Variants in MAPRE3 observed in about 807,000 individuals in gnomAD.
The protein encoded by MAPRE3 is microtubule-associated protein RP/EB family member 3.
A neutral mutation model predicts 30.5 loss-of-function variants in MAPRE3; 2 were observed. The ratio of observed to expected loss-of-function variants is 0.07; its 90% CI spans 0.03 to 0.21. The LOEUF is 0.21. MAPRE3 is among the 10% of genes least tolerant of loss of function. MAPRE3 has a pLI of 1.00. For synonymous variants in MAPRE3, 110 were observed against 127.7 expected (o/e 0.86, Z 0.93); for missense variants, 204 against 351.8 (o/e 0.58, Z 3.36).
Position 27,025,695 on chromosome 2 carries a change from C to T in MAPRE3, c.582C>T (p.Gly194=), listed in dbSNP as rs113977877. The part of the protein sequence containing the change: ...LRKNPPSARN[G]GHETDAQILE... ...AGAATCCTCCATCAGCCCGAAATGG[C>T]GGCCATGAGACTGATGCCCAAATTC... The change falls in exon 5 of 7, where the codon GGC becomes GGT. Residue 194 remains glycine (G), a synonymous_variant. Transcript: ENST00000233121. 20 of 1,614,150 alleles carry T rather than the reference C, an allele frequency of 1.2e-5. No homozygotes were observed. The African/African-American group carries it at 1.9e-4, about 15-fold the overall frequency.
chr2:26,991,899 G>T (rs972252465), intron 1 of MAPRE3, among the ~76,000 whole-genome samples: 7 of 152,100 alleles, frequency 4.6e-5, no homozygotes, highest in African/African-American at 1.7e-4. Context: ...AATAACTTGC[G>T]TAAATCATGC....
At chr2:26,993,330 A>C (rs1266746155) in intron 1 of MAPRE3, among the ~76,000 whole-genome samples, 1 of 152,164 alleles carries the variant, frequency 6.6e-6, no homozygotes, top group Non-Finnish European at 1.5e-5. Context: ...AGATTGCGCC[A>C]CTGTACTCCA....
At chr2:26,975,631 C>T (rs1206670997) in intron 1 of MAPRE3, among the ~76,000 whole-genome samples, 1 of 149,906 alleles carries the variant, frequency 6.7e-6, no homozygotes, top group Non-Finnish European at 1.5e-5. Flanking sequence ...AAAGGAGACT[C>T]AAAGGGGAAC....
At chr2:26,978,140 T>C (rs1192524700) in intron 1 of MAPRE3, among the ~76,000 whole-genome samples, 2 of 152,176 alleles carry the variant, frequency 1.3e-5, no homozygotes, top group African/African-American at 2.4e-5. Context: ...AGAGTGATTG[T>C]GGGAGAAACA....
At chr2:26,991,765 T>C (rs1666348971) in intron 1 of MAPRE3, among the ~76,000 whole-genome samples, 1 of 152,210 alleles carries the variant, frequency 6.6e-6, no homozygotes, top group African/African-American at 2.4e-5. Context: ...ACGCATCCTG[T>C]CTTGCATTTG....
At chr2:26,978,550 G>A (rs868485679) in intron 1 of MAPRE3, among the ~76,000 whole-genome samples, 1 of 152,268 alleles carries the variant, frequency 6.6e-6, no homozygotes, top group Middle Eastern at 3.4e-3. Flanking sequence ...CTCAGTTTAG[G>A]CATCCTATTA....
chr2:27,005,133 A>G (rs1449157145), intron 1 of MAPRE3, among the ~76,000 whole-genome samples: 1 of 152,200 alleles, frequency 6.6e-6, no homozygotes, highest in Non-Finnish European at 1.5e-5. Flanking sequence ...CTTAAAAAAT[A>G]TATCATGCCC....
intron 4 of MAPRE3, among the ~76,000 whole-genome samples, chr2:27,025,191 G>T (rs939471499): frequency 6.6e-6 from 1 of 152,216 alleles, no homozygotes; most frequent in Non-Finnish European, 1.5e-5. Flanking sequence ...TGGGGCTTCT[G>T]TTAGGAAAGA....
At chr2:27,003,521 C>G (rs889247599) in intron 1 of MAPRE3, among the ~76,000 whole-genome samples, 2 of 152,178 alleles carry the variant, frequency 1.3e-5, no homozygotes, top group Non-Finnish European at 2.9e-5. Flanking sequence ...TGTCTACGAG[C>G]TTTTCTCATA....
chr2:26,981,270 G>A (rs532594977), intron 1 of MAPRE3, among the ~76,000 whole-genome samples: 2 of 152,274 alleles, frequency 1.3e-5, no homozygotes, highest in African/African-American at 2.4e-5. Flanking sequence ...AGGAATGGGT[G>A]TTGCTTGGCA....
At chr2:26,988,396 C>T (rs1439856915) in intron 1 of MAPRE3, among the ~76,000 whole-genome samples, 3 of 152,156 alleles carry the variant, frequency 2.0e-5, no homozygotes, top group Non-Finnish European at 2.9e-5. Context: ...GCAGAAGAAA[C>T]CAGTTAGCTA....
intron 1 of MAPRE3, among the ~76,000 whole-genome samples, chr2:27,021,001 T>C (rs1200112822): frequency 1.3e-5 from 2 of 152,252 alleles, no homozygotes; most frequent in African/African-American, 4.8e-5. Flanking sequence ...AAAAGGATTG[T>C]TGCATTGCTT....
intron 1 of MAPRE3, among the ~76,000 whole-genome samples, chr2:27,020,134 G>A (rs1251204966): frequency 2.0e-5 from 3 of 152,166 alleles, no homozygotes; most frequent in Admixed American, 6.5e-5. Flanking sequence ...GGGTGGGGAC[G>A]GCATTCCAGA....
intron 1 of MAPRE3, among the ~76,000 whole-genome samples, chr2:26,973,509 C>T (rs1292270937): frequency 6.6e-6 from 1 of 152,050 alleles, no homozygotes; most frequent in African/African-American, 2.4e-5. Context: ...CTGAATTTAG[C>T]CGAGTAACAT....
intron 3 of MAPRE3, 194 bp from the exon 4 acceptor site, chr2:27,023,902 A>G: frequency 1.7e-6 from 1 of 575,044 alleles, no homozygotes; most frequent in Non-Finnish European, 3.1e-6. Context: ...TAGAGAAGGG[A>G]TGCCTCTGGA....
At chr2:26,974,578 T>G (rs138436449) in intron 1 of MAPRE3, among the ~76,000 whole-genome samples, 1 of 152,304 alleles carries the variant, frequency 6.6e-6, no homozygotes, top group Non-Finnish European at 1.5e-5. Context: ...GAATGGAACC[T>G]TTTGTAGTTT....
chr2:26,982,850 T>C (rs535955180), intron 1 of MAPRE3, among the ~76,000 whole-genome samples: 1 of 152,214 alleles, frequency 6.6e-6, no homozygotes, highest in Non-Finnish European at 1.5e-5. Flanking sequence ...TCCTTAATGC[T>C]ATGAAATGGT....
In MAPRE3 at chr2:27,025,688, G is replaced by A. The variant is rs771311276; in HGVS notation, c.575G>A (p.Arg192Gln). The change falls in exon 5 of 7, where the codon CGA becomes CAA. Residue 192 changes from arginine (R) to glutamine (Q), a missense_variant. Arg to Gln is a conservative substitution (Grantham distance 43). This residue lies in a region of MAPRE3 where 42 missense variants were observed against 81.2 expected (regional missense o/e 0.52). Transcript: ENST00000233121. ...CTCCGGAAGAATCCTCCATCAGCCC[G>A]AAATGGCGGCCATGAGACTGATGCC... ...CILRKNPPSA[R>Q]NGGHETDAQI... 11 of 1,613,980 alleles carry A rather than the reference G, an allele frequency of 6.8e-6. No homozygotes were observed. Among genetic ancestry groups the A allele is most frequent in the South Asian group, 1.1e-5 (1 of 91,082 alleles).
chr2:26,982,987 A>G (rs1249941910), intron 1 of MAPRE3, among the ~76,000 whole-genome samples: 1 of 152,168 alleles, frequency 6.6e-6, no homozygotes, highest in Non-Finnish European at 1.5e-5. Context: ...AGAGACTCTC[A>G]AGATTTGGAG....
Sources: allele counts gnomAD v4.1 joint callset (sites outside exome capture counted in the v4.1 genomes callset), GRCh38; gene constraint gnomAD v4.1.1; regional missense constraint gnomAD v4.1.1; transcripts MANE v1.5; gene names NCBI Gene and HGNC (gene_info 2026-07-23, HGNC 2026-07-21).